Variants in MAPK10 observed in about 807,000 individuals in gnomAD.
The protein encoded by MAPK10 is mitogen-activated protein kinase 10.
A neutral mutation model predicts 59.3 loss-of-function variants in MAPK10; 25 were observed. The observed-to-expected ratio is 0.42, with a 90% CI of 0.31 to 0.59. The LOEUF (loss-of-function observed/expected upper bound fraction) is 0.59. Among genes scored for constraint, MAPK10 ranks in the 20% least tolerant of loss-of-function variants. The probability of loss-of-function intolerance (pLI) is 0.15; values close to 1 mark genes in which losing one functional copy is unlikely to be tolerated. For synonymous variants in MAPK10, 190 were observed against 200.5 expected (o/e 0.95, Z 0.44); for missense variants, 351 against 568.9 (o/e 0.62, Z 3.90).
chr4:86,104,784 C>A (rs574176016), intron 5 of MAPK10, among the ~76,000 whole-genome samples: 2 of 152,174 alleles, frequency 1.3e-5, no homozygotes, highest in Admixed American at 6.5e-5. Flanking sequence ...CTATTCCCTA[C>A]TGTATGTTCT....
At chr4:86,053,025 G>A (rs1008933505) in intron 11 of MAPK10, among the ~76,000 whole-genome samples, 2 of 152,002 alleles carry the variant, frequency 1.3e-5, no homozygotes, top group Non-Finnish European at 1.5e-5. Context: ...GTATTTAAAA[G>A]TTCATCATGC....
chr4:86,240,805 G>A (rs777628782), intron 2 of MAPK10, among the ~76,000 whole-genome samples: 7 of 152,070 alleles, frequency 4.6e-5, no homozygotes, highest in Non-Finnish European at 8.8e-5. Context: ...TTGCCAGTCT[G>A]TATCTTTTAA....
At chr4:86,141,043 C>G (rs1041920723) in intron 4 of MAPK10, among the ~76,000 whole-genome samples, 1 of 152,124 alleles carries the variant, frequency 6.6e-6, no homozygotes, top group Non-Finnish European at 1.5e-5. Context: ...ACCCAATACC[C>G]TCATTTTATT....
At chr4:86,461,693 A>G (rs538226167) in intron 1 of MAPK10, among the ~76,000 whole-genome samples, 5 of 152,338 alleles carry the variant, frequency 3.3e-5, no homozygotes, top group African/African-American at 1.2e-4. Context: ...CTAAAGCTAA[A>G]GCGGCAAAGG....
chr4:86,542,032 T>C (rs1758743970), intron 1 of MAPK10, among the ~76,000 whole-genome samples: 1 of 151,944 alleles, frequency 6.6e-6, no homozygotes, highest in African/African-American at 2.4e-5. Context: ...ATAGTGATCC[T>C]ATCTGGATAA....
At position 86,133,086 on chromosome 4, in the gene MAPK10, A is replaced by T. The variant is rs1455106594; in HGVS notation, c.237-25734T>A. On this transcript the variant is annotated intron_variant, in intron 4 of 13. Transcript: ENST00000641462. ...TTTGACAATTCTAAACATGTATATG[A>T]CATTATCAGTAATGAATTGTGAAGC... Among the ~76,000 whole-genome samples the T allele has an allele frequency of 2.0e-5, 3 of 152,326 alleles. No homozygotes were observed. In the East Asian group the frequency reaches 5.8e-4, roughly 29 times the overall value.
Position 86,017,480 on chromosome 4 carries a change from A to G in MAPK10, c.1253-110T>C. 8.2e-7 allele frequency: 1 copy of G among 1,222,468 alleles called. No homozygotes were observed. Among genetic ancestry groups the G allele is most frequent in the Non-Finnish European group, 1.2e-6 (1 of 855,056 alleles). The allele number at this position is 1,222,468 out of a possible 1,614,324, so 75.7% of individuals were successfully genotyped here. A position where few individuals can be genotyped will look rare whatever the true frequency, so the allele number is the denominator to read the frequency against. ...TACAATAGGGGATGTCCAGTCCATCAATCATTTGGCAAGCCTTTATAGAGC... is the reference window on the plus strand; with the variant it reads ...TACAATAGGGGATGTCCAGTCCATCGATCATTTGGCAAGCCTTTATAGAGC... On this transcript the variant is annotated intron_variant, in intron 13 of 13. Transcript: ENST00000641462. The surrounding 1 kb of genome is among the most constrained non-coding windows in gnomAD (Gnocchi z 4.4).
At chr4:86,359,263 C>CCTCTCTCTCTCT (rs367595812) in intron 1 of MAPK10, among the ~76,000 whole-genome samples, 1,663 of 53,380 alleles carry the variant, frequency 0.031, 76 homozygotes, top group East Asian at 0.037. Flanking sequence ...TTTTTTTTTT[C>CCTCTCTCTCTCT]CTCTCTCTCT....
intron 1 of MAPK10, among the ~76,000 whole-genome samples, chr4:86,461,545 T>G (rs1027902119): frequency 6.6e-6 from 1 of 152,150 alleles, no homozygotes; most frequent in Non-Finnish European, 1.5e-5. Flanking sequence ...GAAGGGGAGC[T>G]TGGAAGCATC....
chr4:86,103,105 G>GTGTGTGTGTA (rs1553989299), intron 6 of MAPK10, 81 bp downstream of exon 6: 104 of 793,938 alleles, frequency 1.3e-4, no homozygotes, highest in Non-Finnish European at 9.6e-5. Flanking sequence ...GTGTGTGTGT[G>GTGTGTGTGTA]TGTGTGTGTG....
Position 86,014,702 on chromosome 4 carries a change from G to C in MAPK10, c.*2526C>G, listed in dbSNP as rs1013863679. 6.6e-6 allele frequency: 1 copy of C among 152,238 alleles called. No individual in the cohort carries two copies. The highest frequency in any genetic ancestry group is 1.5e-5 in the Non-Finnish European group (1 of 68,122). The allele number at this position is 152,238 out of a possible 1,614,324, so 9.4% of individuals were successfully genotyped here. ...GAGCTTTGGGAAGGTACTAACAGCG[G>C]GGGAGGGGCCCTGTCTAGTTCTTGC... On this transcript the variant is annotated 3_prime_UTR_variant, in exon 14 of 14. Transcript: ENST00000641462.
At chr4:86,503,034 T>C (rs1755442575) in intron 1 of MAPK10, among the ~76,000 whole-genome samples, 1 of 152,078 alleles carries the variant, frequency 6.6e-6, no homozygotes, top group Non-Finnish European at 1.5e-5. Context: ...AAAGAGGGAC[T>C]GCTGAAAGAG....
At chr4:86,293,720 G>A (rs532637745) in intron 2 of MAPK10, among the ~76,000 whole-genome samples, 16 of 152,258 alleles carry the variant, frequency 1.1e-4, no homozygotes, top group Admixed American at 7.9e-4. Flanking sequence ...AGGGGGAGCA[G>A]GCGTTTCACA....
chr4:86,533,532 G>A (rs1388274760), intron 1 of MAPK10, among the ~76,000 whole-genome samples: 1 of 152,152 alleles, frequency 6.6e-6, no homozygotes, highest in Non-Finnish European at 1.5e-5. Context: ...ATCCTTTTGA[G>A]ATTCCTAACT....
chr4:86,211,359 G>T (rs376793781), intron 2 of MAPK10, among the ~76,000 whole-genome samples: 2 of 152,144 alleles, frequency 1.3e-5, no homozygotes, highest in South Asian at 2.1e-4. Flanking sequence ...ACATACAAGA[G>T]ATTCTTAATA....
In MAPK10 at chr4:86,316,358, T is replaced by A. The variant is rs563659404; in HGVS notation, c.-7+38172A>T. 2.2e-3 allele frequency among the ~76,000 whole-genome samples: 333 copies of A among 152,242 alleles called. 1 individual carries two copies. The highest frequency in any genetic ancestry group is 7.8e-3 in the African/African-American group (324 of 41,536). Reference sequence around the variant, plus strand: ...ATTGACCAAACAACTTAAAACCAACTTTTTCTTAAGGAAAGAAGAGAGAGA... The same window carrying A: ...ATTGACCAAACAACTTAAAACCAACATTTTCTTAAGGAAAGAAGAGAGAGA... On this transcript the variant is annotated intron_variant, in intron 2 of 13. Coordinates refer to ENST00000641462, the MANE Select transcript of MAPK10 (RefSeq NM_138982.4).
intron 1 of MAPK10, chr4:86,399,840 T>C (rs796493697): frequency 1.4e-4 from 22 of 152,320 alleles, no homozygotes; most frequent in African/African-American, 5.0e-4. Context: ...AGGAAACAGT[T>C]AGTAATTCTG....
intron 2 of MAPK10, among the ~76,000 whole-genome samples, chr4:86,305,279 T>C (rs899337416): frequency 3.9e-5 from 6 of 152,280 alleles, no homozygotes; most frequent in Admixed American, 1.3e-4. Flanking sequence ...AAGACTCCCA[T>C]CCATAAATGC....
At chr4:86,559,754 C>T (rs960181028) in intron 1 of MAPK10, among the ~76,000 whole-genome samples, 3 of 152,046 alleles carry the variant, frequency 2.0e-5, no homozygotes, top group Non-Finnish European at 2.9e-5. Context: ...TCCTGGCCAA[C>T]ATGGTGAAAC....
Sources: gnomAD v4.1 joint callset for allele counts (sites outside exome capture counted in the v4.1 genomes callset) on GRCh38, gnomAD v4.1.1 for gene constraint, Gnocchi (gnomAD v3.1) non-coding constraint, MANE v1.5 for transcripts, NCBI Gene and HGNC (gene_info 2026-07-23, HGNC 2026-07-21) for gene names.